SCFD1: variants seen among roughly 807,000 people sequenced by gnomAD.
SCFD1 encodes sec1 family domain-containing protein 1.
A neutral mutation model predicts 103.2 loss-of-function variants in SCFD1; 37 were observed. The observed-to-expected ratio is 0.36, with a 90% CI of 0.28 to 0.47. SCFD1 has a LOEUF of 0.47. SCFD1 is among the 20% of genes least tolerant of loss of function. The pLI is 1.00. For missense variants in SCFD1, 639 were observed against 761.2 expected, an observed-to-expected ratio of 0.84 and a Z score of 1.89; for synonymous variants, 264 against 245.0, an observed-to-expected ratio of 1.08 and a Z score of -0.73.
chr14:30,721,086 G>C (rs958923997), intron 21 of SCFD1, among the ~76,000 whole-genome samples: 8 of 152,008 alleles, frequency 5.3e-5, no homozygotes, highest in African/African-American at 1.7e-4. Flanking sequence ...ACTGTTTAAG[G>C]AACTGGAACA....
intron 10 of SCFD1, among the ~76,000 whole-genome samples, chr14:30,666,778 A>C (rs1408389478): frequency 6.6e-6 from 1 of 152,232 alleles, no homozygotes; most frequent in Non-Finnish European, 1.5e-5. Flanking sequence ...AAACACCTCT[A>C]TGCAAATAAA....
At chr14:30,730,413 A>G (rs899529486) in intron 23 of SCFD1, among the ~76,000 whole-genome samples, 4 of 152,332 alleles carry the variant, frequency 2.6e-5, no homozygotes, top group African/African-American at 4.8e-5. Context: ...TTCTAGTTCT[A>G]CATCCTTGAG....
chr14:30,708,412 G>GT (rs1164650800), intron 19 of SCFD1, among the ~76,000 whole-genome samples: 1 of 152,076 alleles, frequency 6.6e-6, no homozygotes, highest in Non-Finnish European at 1.5e-5. Context: ...GAGCTCCCAT[G>GT]TGGTATTTGG....
In SCFD1 at chr14:30,715,778, A is replaced by C. The variant is rs190722465; in HGVS notation, c.1630-146A>C. On this transcript the variant is annotated intron_variant, in intron 19 of 24. Transcript: ENST00000458591. ...TGCCAAGAGTATTTACATCTTTGAC[A>C]TCACCTTTACCATTCACAGACTACT... 1.0e-4 allele frequency: 57 copies of C among 545,084 alleles called. No individual in the cohort carries two copies. The Admixed American group carries it at 1.6e-3, about 16-fold the overall frequency. 33.8% of individuals were successfully genotyped at this position (545,084 alleles called of 1,614,324 possible).
chr14:30,630,828 T>C, intron 3 of SCFD1: 1 of 349,762 alleles, frequency 2.9e-6, no homozygotes, highest in Non-Finnish European at 5.1e-6. Context: ...TAAGGTCTCT[T>C]CCAGCTCTAA....
chr14:30,673,973 C>T lies in SCFD1; in HGVS notation c.1136C>T (p.Thr379Ile). Residue 379 changes from threonine (T) to isoleucine (I), a missense_variant, in exon 13 of 25, where the codon ACC (threonine) becomes ATC (isoleucine). By Grantham distance (89) the Thr-to-Ile change is moderately conservative (BLOSUM62 -1). Coordinates refer to ENST00000458591, the MANE Select transcript of SCFD1 (RefSeq NM_016106.4). ...GCCATAAGTATGCTTTCTGACAATA[C>T]CGCTAAGCTAACATCAGCTGTTAGG... is the stretch of plus-strand genomic sequence containing the variant. Reference protein sequence around the residue: ...EGAISMLSDNTAKLTSAVSSL... With the variant: ...EGAISMLSDNIAKLTSAVSSL... 1 of 1,613,498 alleles carries T rather than the reference C, an allele frequency of 6.2e-7. No homozygotes were observed. Among genetic ancestry groups the T allele is most frequent in the South Asian group, 1.1e-5 (1 of 91,060 alleles).
Position 30,634,432 on chromosome 14 carries a change from G to A in SCFD1, c.312+395G>A, listed in dbSNP as rs151166650. Among the ~76,000 whole-genome samples the A allele has an allele frequency of 6.2e-3, 936 of 151,514 alleles. 9 individuals carry two copies. Among genetic ancestry groups the A allele is most frequent in the Non-Finnish European group, 8.5e-3 (578 of 67,912 alleles). ...TAGCTATTGTTGCTAATCATTTACC[G>A]TGCCCAATTTATAAATTATAAATTA... On this transcript the variant is annotated intron_variant, in intron 4 of 24. Coordinates refer to ENST00000458591, the MANE Select transcript of SCFD1 (RefSeq NM_016106.4).
chr14:30,631,460 G>C lies in SCFD1; in HGVS notation c.221+895G>C, dbSNP rs1884121034. On this transcript the variant is annotated intron_variant, in intron 3 of 24. Coordinates refer to ENST00000458591, the MANE Select transcript of SCFD1 (RefSeq NM_016106.4). ...TTGAAAACAGAATGTTTTTATAGGT[G>C]CTTAAAATATGATTTCTATTGAATA... Among the ~76,000 whole-genome samples, 3 of 152,158 alleles carry C rather than the reference G, an allele frequency of 2.0e-5. No homozygotes were observed. In the South Asian group the frequency reaches 6.2e-4, roughly 31 times the overall value.
At chr14:30,642,987 C>T (rs984049376) in intron 6 of SCFD1, among the ~76,000 whole-genome samples, 2 of 151,818 alleles carry the variant, frequency 1.3e-5, no homozygotes, top group Non-Finnish European at 2.9e-5. Context: ...GCCTGGGCAA[C>T]ATAGGGAGAC....
chr14:30,672,363 G>A (rs1888631702), intron 11 of SCFD1, among the ~76,000 whole-genome samples: 1 of 152,144 alleles, frequency 6.6e-6, no homozygotes, highest in African/African-American at 2.4e-5. Context: ...GTGTTCCTCA[G>A]AATCCTTTCT....
rs1250821529 is a variant in SCFD1 at position 30,643,420 on chromosome 14, C to CT, written c.613+18dup. 6.6e-7 allele frequency: 1 copy of CT among 1,512,468 alleles called. No individual in the cohort carries two copies. The highest frequency in any genetic ancestry group is 9.2e-7 in the Non-Finnish European group (1 of 1,087,854). 93.7% of individuals were successfully genotyped at this position (1,512,468 alleles called of 1,614,324 possible). A position where few individuals can be genotyped will look rare whatever the true frequency, so the allele number is the denominator to read the frequency against. Reference sequence around the variant, plus strand: ...TGTTACTCTGGGTAAGTTTTCCAGTCTTTCTGGTTATTCTTCAAAGTAAAT... The same window carrying CT: ...TGTTACTCTGGGTAAGTTTTCCAGTCTTTTCTGGTTATTCTTCAAAGTAAAT... On this transcript the variant is annotated intron_variant, in intron 7 of 24. Coordinates refer to ENST00000458591, the MANE Select transcript of SCFD1 (RefSeq NM_016106.4).
intron 13 of SCFD1, 104 bp downstream of exon 13, chr14:30,674,101 C>A: frequency 1.4e-6 from 1 of 725,604 alleles, no homozygotes. Flanking sequence ...AAACTGTAGG[C>A]AATAGCAAAT....
At chr14:30,698,017 TATC>T (rs1332413291) in intron 15 of SCFD1, among the ~76,000 whole-genome samples, 4 of 152,186 alleles carry the variant, frequency 2.6e-5, no homozygotes, top group Non-Finnish European at 5.9e-5. Context: ...CCAGTGTTAA[TATC>T]ACATTTTGCT....
intron 14 of SCFD1, among the ~76,000 whole-genome samples, chr14:30,691,169 T>C (rs766997335): frequency 1.3e-5 from 2 of 152,252 alleles, no homozygotes; most frequent in Non-Finnish European, 2.9e-5. Context: ...GTACTACTTC[T>C]ACTCTGGTAG....
chr14:30,691,322 G>C (rs1890281324), intron 14 of SCFD1, among the ~76,000 whole-genome samples: 2 of 152,148 alleles, frequency 1.3e-5, no homozygotes, highest in Non-Finnish European at 2.9e-5. Flanking sequence ...TGGTACCCTA[G>C]AGCTGTATGG....
chr14:30,623,597 A>G (rs988170100), intron 1 of SCFD1, among the ~76,000 whole-genome samples: 8 of 152,230 alleles, frequency 5.3e-5, no homozygotes, highest in Admixed American at 3.3e-4. Context: ...TCTGATGACT[A>G]TACTACATAT....
chr14:30,662,295 T>C (rs891795620), intron 10 of SCFD1, among the ~76,000 whole-genome samples: 1 of 152,164 alleles, frequency 6.6e-6, no homozygotes, highest in Non-Finnish European at 1.5e-5. Context: ...TGAGACAATA[T>C]AGGTGTGCTC....
chr14:30,702,327 C>A lies in SCFD1; in HGVS notation c.1442C>A (p.Thr481Asn). Residue 481 changes from threonine (T) to asparagine (N), a missense_variant, in exon 17 of 25, where the codon ACT (threonine) becomes AAT (asparagine). Coordinates refer to ENST00000458591, the MANE Select transcript of SCFD1 (RefSeq NM_016106.4). ...ADLEQYKKAL[T>N]DAGCNLNPLQ... is the part of the protein sequence containing the mutation. ...TTGGAGCAATATAAAAAAGCTTTAA[C>A]TGATGCAGGATGCAACCTTAATCCT... is the stretch of plus-strand genomic sequence containing the variant. The A allele has an allele frequency of 6.2e-7, 1 of 1,602,170 alleles. No homozygotes were observed. Among genetic ancestry groups the A allele is most frequent in the Non-Finnish European group, 8.5e-7 (1 of 1,174,194 alleles).
intron 15 of SCFD1, 152 bp downstream of exon 15, chr14:30,695,021 T>C: frequency 7.0e-7 from 1 of 1,422,696 alleles, no homozygotes; most frequent in Non-Finnish European, 9.2e-7. Context: ...TAAAATTTTA[T>C]AACTTAGCAG....
Sources: gnomAD v4.1 joint callset for allele counts (sites outside exome capture counted in the v4.1 genomes callset) on GRCh38, gnomAD v4.1.1 for gene constraint, MANE v1.5 for transcripts, NCBI Gene and HGNC (gene_info 2026-07-23, HGNC 2026-07-21) for gene names.